ICE2: variants seen among roughly 807,000 people sequenced by gnomAD.
ICE2 encodes the protein interactor of little elongation complex ELL subunit 2, also known as little elongation complex subunit 2.
ICE2 carries 87 observed loss-of-function variants against 105.4 expected under a neutral mutation model. The ratio of observed to expected loss-of-function variants is 0.83; its 90% CI spans 0.69 to 0.99. The LOEUF (loss-of-function observed/expected upper bound fraction) is 0.99. Among genes scored for constraint, ICE2 ranks in the 50% least tolerant of loss-of-function variants. The pLI is 0.00. For missense variants in ICE2, 1,323 were observed against 1,146.7 expected (o/e 1.15, Z -2.22); for synonymous variants, 399 against 392.0 (o/e 1.02, Z -0.21).
chr15:60,475,997 T>TA, intron 3 of ICE2, 66 bp downstream of exon 3: 2 of 1,083,956 alleles, frequency 1.8e-6, no homozygotes, highest in Admixed American at 2.6e-5. Flanking sequence ...GAGATACACA[T>TA]AAAACTTCAA....
Position 60,422,820 on chromosome 15 carries a change from CAG to C in ICE2, c.*812_*813del, listed in dbSNP as rs1042996242. On this transcript the variant is annotated 3_prime_UTR_variant, in exon 16 of 16. Transcript: ENST00000261520. ...TGCCACTGCACTCCAGCCTGGGCAA[CAG>C]AGCGAGACTCCATCTCAAAAAAAAA... 6.0e-5 allele frequency: 9 copies of C among 149,762 alleles called. No homozygotes were observed. Among genetic ancestry groups the C allele is most frequent in the African/African-American group, 2.2e-4 (9 of 40,422 alleles). 9.3% of individuals were successfully genotyped at this position (149,762 alleles called of 1,614,324 possible). A position where few individuals can be genotyped will look rare whatever the true frequency, so the allele number is the denominator to read the frequency against.
At chr15:60,453,259 G>T (rs574175602) in intron 9 of ICE2, 4 of 1,027,710 alleles carry the variant, frequency 3.9e-6, no homozygotes, top group Non-Finnish European at 4.7e-6. Flanking sequence ...GAATATGAAT[G>T]AGACCAATTA....
At position 60,423,142 on chromosome 15, in the gene ICE2, T is replaced by C. The variant is rs1160270825; in HGVS notation, c.*492A>G. 1 of 152,642 alleles carries C rather than the reference T, an allele frequency of 6.6e-6. No homozygotes were observed. Among genetic ancestry groups the C allele is most frequent in the African/African-American group, 2.4e-5 (1 of 41,450 alleles). The allele number at this position is 152,642 out of a possible 1,614,324, so 9.5% of individuals were successfully genotyped here. ...CAAGTTTTTAAAGGTATTAACTTTATTAACCTGTAACATTCATCATTTTAA... is the reference window on the plus strand; with the variant it reads ...CAAGTTTTTAAAGGTATTAACTTTACTAACCTGTAACATTCATCATTTTAA... On this transcript the variant is annotated 3_prime_UTR_variant, in exon 16 of 16. Transcript: ENST00000261520.
intron 8 of ICE2, 200 bp downstream of exon 8, chr15:60,454,803 G>T (rs1391059267): frequency 6.8e-6 from 3 of 441,004 alleles, no homozygotes; most frequent in Non-Finnish European, 1.2e-5. Flanking sequence ...CTGTCATCTA[G>T]GTTTTAAGCC....
rs776530846 is a variant in ICE2 at position 60,468,322 on chromosome 15, T to C, written c.147A>G (p.Arg49=). ...SLKELRVLSN[R]RIGENLNASA... ...AGGCATTCAAATTTTCTCCTATACG[T>C]CTGGAAAACAAAATATAATTTACAA... The change falls in exon 4 of 16, where the codon AGA becomes AGG. Residue 49 remains arginine (R), a splice_region_variant and synonymous_variant. Transcript: ENST00000261520. 1.9e-6 allele frequency: 3 copies of C among 1,592,960 alleles called. No homozygotes were observed. Among genetic ancestry groups the C allele is most frequent in the Non-Finnish European group, 2.6e-6 (3 of 1,166,146 alleles).
chr15:60,433,940 T>A (rs1408682566), intron 13 of ICE2, among the ~76,000 whole-genome samples: 1 of 152,088 alleles, frequency 6.6e-6, no homozygotes, highest in Non-Finnish European at 1.5e-5. Flanking sequence ...GCAGACATAC[T>A]GAAGTACAAG....
At chr15:60,457,967 T>C (rs1262806657) in intron 5 of ICE2, among the ~76,000 whole-genome samples, 1 of 152,178 alleles carries the variant, frequency 6.6e-6, no homozygotes, top group Non-Finnish European at 1.5e-5. Flanking sequence ...CTATGTGAAA[T>C]AGAGACCATT....
chr15:60,423,527 T>C lies in ICE2; in HGVS notation c.*107A>G, dbSNP rs2063270721. On this transcript the variant is annotated 3_prime_UTR_variant, in exon 16 of 16. Coordinates refer to ENST00000261520, the MANE Select transcript of ICE2 (RefSeq NM_024611.6). ...CATTTTTTCAAGGCACTCTAGCTAC[T>C]ACAGGAAAAATGTTCCTCTTGCCTA... 1 of 1,058,172 alleles carries C rather than the reference T, an allele frequency of 9.5e-7. No individual in the cohort carries two copies. Among genetic ancestry groups the C allele is most frequent in the South Asian group, 1.8e-5 (1 of 55,034 alleles). 65.5% of individuals were successfully genotyped at this position (1,058,172 alleles called of 1,614,324 possible). A position where few individuals can be genotyped will look rare whatever the true frequency, so the allele number is the denominator to read the frequency against.
At position 60,455,095 on chromosome 15, in the gene ICE2, C is replaced by G. The variant is rs777633818; in HGVS notation, c.851G>C (p.Ser284Thr). ...SRYHPQIALT[S>T]QSLFTLLNNH... is the part of the protein sequence containing the mutation. ...ATTTAATAAGGTAAATAATGACTGA[C>G]TAGTTAGAGCTATCTGAGGGTGATA... Residue 284 changes from serine (S) to threonine (T), a missense_variant, in exon 8 of 16, where the codon AGT (serine) becomes ACT (threonine). By Grantham distance (58) the Ser-to-Thr change is moderately conservative (BLOSUM62 1). Coordinates refer to ENST00000261520, the MANE Select transcript of ICE2 (RefSeq NM_024611.6). The G allele has an allele frequency of 3.1e-6, 5 of 1,602,158 alleles. No individual in the cohort carries two copies. The highest frequency in any genetic ancestry group is 2.3e-5 in the South Asian group (2 of 88,214).
chr15:60,433,377 C>T (rs2063505888), intron 13 of ICE2, among the ~76,000 whole-genome samples: 1 of 151,904 alleles, frequency 6.6e-6, no homozygotes. Flanking sequence ...TGAGCTACCG[C>T]ACCCGGCCAA....
intron 14 of ICE2, among the ~76,000 whole-genome samples, chr15:60,430,247 T>C (rs546774365): frequency 1.3e-5 from 2 of 152,304 alleles, no homozygotes; most frequent in South Asian, 4.1e-4. Flanking sequence ...CTTGGCGTTG[T>C]AACTTTGAAG....
At position 60,422,117 on chromosome 15, in the gene ICE2, G is replaced by C. The variant is rs987847617; in HGVS notation, c.*1517C>G. The stretch of plus-strand genomic sequence containing the variant: ...AAAATTTTAGTGTAAGGGTTCTAAA[G>C]ATTAAACAAGCCTGTCCTGTTTTTT... On this transcript the variant is annotated 3_prime_UTR_variant, in exon 16 of 16. Coordinates refer to ENST00000261520, the MANE Select transcript of ICE2 (RefSeq NM_024611.6). 1.3e-5 allele frequency: 2 copies of C among 149,718 alleles called. No individual in the cohort carries two copies. The highest frequency in any genetic ancestry group is 3.0e-5 in the Non-Finnish European group (2 of 67,572). The allele number at this position is 149,718 out of a possible 1,614,324, so 9.3% of individuals were successfully genotyped here. A position where few individuals can be genotyped will look rare whatever the true frequency, so the allele number is the denominator to read the frequency against.
At chr15:60,450,162 T>C (rs769507505) in intron 9 of ICE2, among the ~76,000 whole-genome samples, 4 of 152,182 alleles carry the variant, frequency 2.6e-5, no homozygotes, top group African/African-American at 4.8e-5. Context: ...AGAAGAAATG[T>C]AGGGCCAAAC....
intron 15 of ICE2, among the ~76,000 whole-genome samples, chr15:60,427,710 C>T (rs1300603753): frequency 1.3e-5 from 2 of 152,216 alleles, no homozygotes; most frequent in African/African-American, 2.4e-5. Flanking sequence ...AGCCACTGCG[C>T]CCAGCCCAGT....
At chr15:60,463,103 G>A (rs2064324589) in intron 5 of ICE2, among the ~76,000 whole-genome samples, 1 of 152,158 alleles carries the variant, frequency 6.6e-6, no homozygotes, top group African/African-American at 2.4e-5. Flanking sequence ...AGTATTGTGA[G>A]CATATGTAGA....
chr15:60,428,443 T>C lies in ICE2; in HGVS notation c.2806A>G (p.Thr936Ala). 2 of 1,613,778 alleles carry C rather than the reference T, an allele frequency of 1.2e-6. No individual in the cohort carries two copies. The highest frequency in any genetic ancestry group is 1.7e-6 in the Non-Finnish European group (2 of 1,179,706). ...AAAGATCTTACCTTTTGTTGTGTTG[T>C]GGTATCCAGTGATTTCGGTGGAAAA... ...CTFPPKSLDT[T>A]TQQKIGGTRM... Residue 936 changes from threonine (T) to alanine (A), a missense_variant, in exon 15 of 16, where the codon ACA becomes GCA. By Grantham distance (58) the Thr-to-Ala change is moderately conservative. Coordinates refer to ENST00000261520, the MANE Select transcript of ICE2 (RefSeq NM_024611.6).
rs756989905 is a variant in ICE2 at position 60,449,773 on chromosome 15, A to G, written c.1194T>C (p.Asp398=). ...SLENLYLDFD[D]DVTELETFGV... Reference sequence around the variant, plus strand: ...CAAAAGTTTCAAGTTCTGTGACATCATCATCAAAATCCAAATACAAGTTTT... The same window carrying G: ...CAAAAGTTTCAAGTTCTGTGACATCGTCATCAAAATCCAAATACAAGTTTT... Residue 398 remains aspartate, a synonymous_variant, in exon 10 of 16, where the codon GAT becomes GAC. Transcript: ENST00000261520. 1 of 1,614,114 alleles carries G rather than the reference A, an allele frequency of 6.2e-7. No individual in the cohort carries two copies. Among genetic ancestry groups the G allele is most frequent in the Non-Finnish European group, 8.5e-7 (1 of 1,180,006 alleles).
chr15:60,457,366 C>T (rs1179242815), intron 5 of ICE2, among the ~76,000 whole-genome samples: 1 of 152,082 alleles, frequency 6.6e-6, no homozygotes, highest in Non-Finnish European at 1.5e-5. Context: ...ATAATATGTG[C>T]CACTTCTGAT....
rs745340690 is a variant in ICE2 at position 60,449,308 on chromosome 15, T to C, written c.1659A>G (p.Glu553=). ...TTGCTGCTTCTGATCCAACAGTCTT[T>C]TCCTTTGAGTTGTCTAGGTTTTCTA... The part of the protein sequence containing the change: ...NVLENLDNSK[E]KTVGSEAAKT... The change falls in exon 10 of 16, where the codon GAA becomes GAG. Residue 553 remains glutamate (E), a synonymous_variant. Coordinates refer to ENST00000261520, the MANE Select transcript of ICE2 (RefSeq NM_024611.6). 3 of 1,613,050 alleles carry C rather than the reference T, an allele frequency of 1.9e-6. No individual in the cohort carries two copies. The highest frequency in any genetic ancestry group is 1.3e-5 in the African/African-American group (1 of 74,902).
Sources: gnomAD v4.1 joint callset for allele counts (sites outside exome capture counted in the v4.1 genomes callset) on GRCh38, gnomAD v4.1.1 for gene constraint, MANE v1.5 for transcripts, NCBI Gene and HGNC (gene_info 2026-07-23, HGNC 2026-07-21) for gene names.